Variants in NCR1 observed in about 807,000 individuals in gnomAD.
The protein encoded by NCR1 is NK cell-activating receptor.
Under a neutral mutation model 32.5 loss-of-function variants are expected in NCR1, and 30 were observed. The observed-to-expected ratio is 0.92, with a 90% CI of 0.69 to 1.25. The LOEUF is 1.25. NCR1 is among the 50% of genes most tolerant of loss of function. NCR1 has a pLI of 0.00. For synonymous variants in NCR1, 169 were observed against 143.4 expected (o/e 1.18, Z -1.28); for missense variants, 369 against 380.7 (o/e 0.97, Z 0.26).
chr19:54,915,054 T>C (rs575275986), downstream of NCR1, among the ~76,000 whole-genome samples: 3 of 152,182 alleles, frequency 2.0e-5, no homozygotes, highest in Admixed American at 6.5e-5. Flanking sequence ...AGACAACACT[T>C]TCCTCATCCC....
At chr19:54,919,725 C>T (rs56340482), downstream of NCR1, among the ~76,000 whole-genome samples, 1 of 145,264 alleles carries the variant, frequency 6.9e-6, no homozygotes, top group South Asian at 2.2e-4. Context: ...CCCCCCCCCC[C>T]ACCCGCTGCC....
At chr19:54,926,031 CAGACTCCGTCTCAAAAAAA>C in the NCR1 span, among the ~76,000 whole-genome samples, 31 of 150,570 alleles carry the variant, frequency 2.1e-4, no homozygotes, top group East Asian at 1.4e-3. Flanking sequence ...AAAAAAAAGA[CAGACTCCGTCTCAAAAAAA>C]AGACTCCGTC....
chr19:54,923,779 G>A, the NCR1 span: 42 of 1,613,720 alleles, frequency 2.6e-5, no homozygotes, highest in Middle Eastern at 3.4e-4. Flanking sequence ...CCGTTGCCCC[G>A]GAAGCATTGC....
chr19:54,899,075 A>G, the NCR1 span, among the ~76,000 whole-genome samples: 1 of 152,056 alleles, frequency 6.6e-6, no homozygotes, highest in South Asian at 2.1e-4. Flanking sequence ...GAAAGAAGGA[A>G]GATTTGGGAC....
At chr19:54,928,871 C>T in the NCR1 span, among the ~76,000 whole-genome samples, 4 of 151,852 alleles carry the variant, frequency 2.6e-5, no homozygotes, top group Admixed American at 2.0e-4. Context: ...GGCGTGATCT[C>T]GGCTCACTGC....
At chr19:54,935,733 A>G in the NCR1 span, among the ~76,000 whole-genome samples, 3 of 151,694 alleles carry the variant, frequency 2.0e-5, no homozygotes, top group Non-Finnish European at 4.4e-5. Flanking sequence ...GAGTGCAGAG[A>G]AGGTTGCATG....
downstream of NCR1, among the ~76,000 whole-genome samples, chr19:54,920,321 C>T (rs935498471): frequency 6.6e-6 from 1 of 152,098 alleles, no homozygotes; most frequent in African/African-American, 2.4e-5. Flanking sequence ...GCAGTGGGGG[C>T]AGGCTCAGGC....
the NCR1 span, chr19:54,933,822 T>TTTA: frequency 8.3e-7 from 1 of 1,205,306 alleles, no homozygotes; most frequent in Non-Finnish European, 1.2e-6. Context: ...CATGCTAGGG[T>TTTA]ACTCAGCTTC....
downstream of NCR1, among the ~76,000 whole-genome samples, chr19:54,917,038 C>T (rs1197478187): frequency 2.6e-5 from 4 of 151,988 alleles, no homozygotes; most frequent in African/African-American, 9.7e-5. Flanking sequence ...CCCTTTTCAG[C>T]CCTTCTCATT....
In NCR1 at chr19:54,912,238, C is replaced by T. The variant is rs771469732; in HGVS notation, c.733+20C>T. On this transcript the variant is annotated intron_variant, in intron 6 of 6. Coordinates refer to ENST00000291890, the MANE Select transcript of NCR1 (RefSeq NM_004829.7). The stretch of plus-strand genomic sequence containing the variant: ...AGAAAGGTAAGTAGACAGCTGGGGC[C>T]ATAGGCTCTGAAGGAAGGGGCTGGG... 3 of 1,611,850 alleles carry T rather than the reference C, an allele frequency of 1.9e-6. No homozygotes were observed. In the South Asian group the frequency reaches 3.3e-5, roughly 18 times the overall value.
chr19:54,915,023 G>A (rs775834), downstream of NCR1, among the ~76,000 whole-genome samples: 7,503 of 151,926 alleles, frequency 0.049, 434 homozygotes, highest in African/African-American at 0.13. Context: ...GATTACAGGC[G>A]TGAGCCACTG....
intron 6 of NCR1, 51 bp from the exon 7 acceptor site, chr19:54,912,632 AAAAAAAG>A: frequency 4.4e-6 from 2 of 451,418 alleles, no homozygotes; most frequent in Non-Finnish European, 7.2e-6. Context: ...AAAAAAAAAA[AAAAAAAG>A]AGGGTGTCCT....
upstream of NCR1, among the ~76,000 whole-genome samples, chr19:54,904,491 T>G: frequency 6.6e-6 from 1 of 151,364 alleles, no homozygotes; most frequent in Non-Finnish European, 1.5e-5. Flanking sequence ...TTTAGCGCTC[T>G]CACTTATAAG....
chr19:54,912,640 A>AAAT, intron 6 of NCR1, 50 bp from the exon 7 acceptor site: 1 of 522,358 alleles, frequency 1.9e-6, no homozygotes, highest in Non-Finnish European at 3.3e-6. Flanking sequence ...AAAAAAAAAG[A>AAAT]GGGTGTCCTT....
chr19:54,909,338 C>G lies in NCR1; in HGVS notation c.449C>G (p.Thr150Arg). 1 of 1,614,154 alleles carries G rather than the reference C, an allele frequency of 6.2e-7. No homozygotes were observed. The highest frequency in any genetic ancestry group is 8.5e-7 in the Non-Finnish European group (1 of 1,180,038). ...TTCTACTGCCGTCTAGACACTGCAACAAGCATGTTCTTACTGCTCAAGGAG... is the reference window on the plus strand; with the variant it reads ...TTCTACTGCCGTCTAGACACTGCAAGAAGCATGTTCTTACTGCTCAAGGAG... ...VTFYCRLDTA[T>R]SMFLLLKEGR... Residue 150 changes from threonine (T) to arginine (R), a missense_variant, in exon 4 of 7, where the codon ACA becomes AGA. Transcript: ENST00000291890.
intron 3 of NCR1, among the ~76,000 whole-genome samples, chr19:54,907,100 C>T (rs1433097): frequency 0.73 from 110,201 of 151,740 alleles, 41,374 homozygotes; most frequent in Non-Finnish European, 0.84. Context: ...GCCTGTGGGC[C>T]AGGCGCAGTG....
At chr19:54,933,513 A>C in the NCR1 span, 1 of 1,591,154 alleles carries the variant, frequency 6.3e-7, no homozygotes, top group East Asian at 2.2e-5. Flanking sequence ...AAGTACTTTC[A>C]TGTCTCTCCT....
At chr19:54,915,300 G>A (rs2146103192), downstream of NCR1, among the ~76,000 whole-genome samples, 1 of 152,206 alleles carries the variant, frequency 6.6e-6, no homozygotes, top group East Asian at 1.9e-4. Context: ...GTCTTGAAAT[G>A]CTGTCTGGAC....
At position 54,906,296 on chromosome 19, in the gene NCR1, C is replaced by T. The variant is rs758564037; in HGVS notation, c.35-3C>T. The T allele has an allele frequency of 1.2e-6, 2 of 1,613,998 alleles. No homozygotes were observed. Among genetic ancestry groups the T allele is most frequent in the African/African-American group, 2.7e-5 (2 of 74,940 alleles). ...AACAGGTCTCATTACTCCCGTCTTC[C>T]AGGGCTGTGTCTGAGTCAGAGGATC... On this transcript the variant is annotated splice_polypyrimidine_tract_variant and splice_region_variant and intron_variant, in intron 1 of 6. Transcript: ENST00000291890.
Sources: gnomAD v4.1 joint callset for allele counts (sites outside exome capture counted in the v4.1 genomes callset) on GRCh38, gnomAD v4.1.1 for gene constraint, MANE v1.5 for transcripts, NCBI Gene and HGNC (gene_info 2026-07-23, HGNC 2026-07-21) for gene names.